The following KIAA1217 variants were observed in gnomAD, a reference collection of about 807,000 sequenced individuals.
KIAA1217 encodes the protein KIAA1217.
KIAA1217 carries 88 observed loss-of-function variants against 163.9 expected under a neutral mutation model. The ratio of observed to expected loss-of-function variants is 0.54; its 90% CI spans 0.45 to 0.64. The LOEUF (loss-of-function observed/expected upper bound fraction) is 0.64, where lower values mean the gene tolerates loss of function less well. Among genes scored for constraint, KIAA1217 ranks in the 30% least tolerant of loss-of-function variants. The probability of loss-of-function intolerance (pLI) is 0.00; values close to 1 mark genes in which losing one functional copy is unlikely to be tolerated. For missense variants in KIAA1217, 2,372 were observed against 2,475.0 expected (o/e 0.96, Z 0.88); for synonymous variants, 903 against 923.1 (o/e 0.98, Z 0.39).
chr10:24,079,580 C>T (rs1216840821), intron 2 of KIAA1217, among the ~76,000 whole-genome samples: 5 of 152,168 alleles, frequency 3.3e-5, no homozygotes, highest in African/African-American at 4.8e-5. Flanking sequence ...CTCATTCCTT[C>T]GAAGTTCTGA....
rs533582585 is a variant in KIAA1217, at chr10:23,790,034, CAT to C, written c.-321+94804_-321+94805del. 2.3e-4 allele frequency among the ~76,000 whole-genome samples: 28 copies of C among 123,072 alleles called. 7 individuals are homozygous for C. Among genetic ancestry groups the C allele is most frequent in the African/African-American group, 7.7e-4 (22 of 28,508 alleles). The allele number at this position is 123,072 out of a possible 152,430, so 80.7% of individuals were successfully genotyped here. A position where few individuals can be genotyped will look rare whatever the true frequency, so the allele number is the denominator to read the frequency against. On this transcript the variant is annotated intron_variant, in intron 1 of 18. Transcript: ENST00000376462. ...ACACATATACACATATGCATATACA[CAT>C]ATACATATGCATATACACATATACA...
chr10:24,025,566 T>C (rs1287038116), intron 2 of KIAA1217, among the ~76,000 whole-genome samples: 4 of 151,736 alleles, frequency 2.6e-5, no homozygotes, highest in Non-Finnish European at 5.9e-5. Context: ...AAAATCTTAA[T>C]TGAGATTACA....
chr10:24,454,188 C>T (rs2061597385), intron 5 of KIAA1217, among the ~76,000 whole-genome samples: 5 of 152,322 alleles, frequency 3.3e-5, no homozygotes, highest in Middle Eastern at 6.8e-3. Flanking sequence ...ACAAACTACT[C>T]ATTAAATAGT....
At chr10:24,084,437 G>A (rs1031889790) in intron 2 of KIAA1217, among the ~76,000 whole-genome samples, 9 of 152,152 alleles carry the variant, frequency 5.9e-5, no homozygotes, top group East Asian at 1.9e-4. Flanking sequence ...TGCCTGACAC[G>A]AAGTGCTTTT....
chr10:23,753,066 T>C (rs1353275458), intron 1 of KIAA1217, among the ~76,000 whole-genome samples: 1 of 152,198 alleles, frequency 6.6e-6, no homozygotes, highest in East Asian at 1.9e-4. Context: ...TTTTGGTTCT[T>C]CAGTTTCATG....
At chr10:24,144,277 A>G (rs1299371490) in intron 2 of KIAA1217, among the ~76,000 whole-genome samples, 1 of 152,220 alleles carries the variant, frequency 6.6e-6, no homozygotes, top group Non-Finnish European at 1.5e-5. Flanking sequence ...CTTTTCATTG[A>G]TTAACATTTG....
chr10:24,232,769 T>G (rs2071594044), intron 2 of KIAA1217, among the ~76,000 whole-genome samples: 1 of 151,920 alleles, frequency 6.6e-6, no homozygotes. Flanking sequence ...ATTAATTCAT[T>G]CAAATGCTTA....
chr10:24,398,310 T>C (rs2056099708), intron 3 of KIAA1217, among the ~76,000 whole-genome samples: 2 of 152,142 alleles, frequency 1.3e-5, no homozygotes, highest in Admixed American at 1.3e-4. Flanking sequence ...CATCTTCACA[T>C]TGAATAAAGC....
chr10:23,829,932 C>G (rs1838096687), intron 1 of KIAA1217, among the ~76,000 whole-genome samples: 1 of 152,190 alleles, frequency 6.6e-6, no homozygotes, highest in Non-Finnish European at 1.5e-5. Context: ...GTAGGGCTTA[C>G]TAGCGGAAGT....
intron 2 of KIAA1217, among the ~76,000 whole-genome samples, chr10:24,196,630 C>T (rs530278136): frequency 6.6e-6 from 1 of 152,330 alleles, no homozygotes; most frequent in South Asian, 2.1e-4. Flanking sequence ...CCCCTAGTGG[C>T]CATATGCCTA....
At chr10:24,266,209 G>T (rs532436607) in intron 2 of KIAA1217, among the ~76,000 whole-genome samples, 1 of 151,908 alleles carries the variant, frequency 6.6e-6, no homozygotes, top group Non-Finnish European at 1.5e-5. Flanking sequence ...CTCCTGAGTA[G>T]CTAGGATTAC....
At chr10:24,093,592 C>T (rs1018023979) in intron 2 of KIAA1217, among the ~76,000 whole-genome samples, 4 of 151,604 alleles carry the variant, frequency 2.6e-5, no homozygotes, top group Non-Finnish European at 4.4e-5. Context: ...GTGTGAGCCA[C>T]GGCACTTGGC....
Position 24,531,921 on chromosome 10 carries a change from A to G in KIAA1217, c.3174A>G (p.Pro1058=), listed in dbSNP as rs1270225138. Residue 1058 remains proline, a synonymous_variant, in exon 15 of 21, where the codon CCA becomes CCG. Coordinates refer to ENST00000376454, the MANE Select transcript of KIAA1217 (RefSeq NM_019590.5). ...PPPPPRRSYL[P]GSGLTTTRSG... ...CACCTCCTCGTCGAAGCTACCTGCC[A>G]GGATCGGGACTCACCACCACGAGGT... The G allele has an allele frequency of 6.2e-7, 1 of 1,610,984 alleles. No individual in the cohort carries two copies. Among genetic ancestry groups the G allele is most frequent in the Non-Finnish European group, 8.5e-7 (1 of 1,178,210 alleles).
intron 2 of KIAA1217, among the ~76,000 whole-genome samples, chr10:24,146,531 CA>C (rs1010988275): frequency 1.3e-5 from 2 of 151,998 alleles, no homozygotes; most frequent in African/African-American, 4.8e-5. Context: ...ACAAAAAATA[CA>C]AAAGTTAGCC....
chr10:23,812,149 T>G (rs1376111057), intron 1 of KIAA1217, among the ~76,000 whole-genome samples: 4 of 152,176 alleles, frequency 2.6e-5, no homozygotes, highest in African/African-American at 9.7e-5. Flanking sequence ...GCTGGATGTT[T>G]CCATAAGACA....
intron 6 of KIAA1217, among the ~76,000 whole-genome samples, chr10:24,485,646 T>C (rs949213448): frequency 8.5e-5 from 13 of 152,190 alleles, no homozygotes; most frequent in African/African-American, 2.9e-4. Flanking sequence ...GCCCAAGAAA[T>C]ATTTGTTGAA....
intron 2 of KIAA1217, among the ~76,000 whole-genome samples, chr10:24,285,665 G>A (rs1023396172): frequency 6.6e-6 from 1 of 152,032 alleles, no homozygotes; most frequent in Non-Finnish European, 1.5e-5. Flanking sequence ...TTTGTTTAAG[G>A]TTACTTTAGC....
At position 24,282,480 on chromosome 10, in the gene KIAA1217, T is replaced by G. The variant is rs141957293; in HGVS notation, c.354+62571T>G. Among the ~76,000 whole-genome samples the G allele has an allele frequency of 1.3e-3, 204 of 152,312 alleles. 2 individuals are homozygous for G. The highest frequency in any genetic ancestry group is 4.4e-3 in the African/African-American group (183 of 41,576). ...AAATTTGTGTTTATTTATCCCCCTG[T>G]GTTTATTTATTCAATCATTCGTTTA... On this transcript the variant is annotated intron_variant, in intron 2 of 20. Transcript: ENST00000376454.
At chr10:24,485,354 C>G (rs1436048547) in intron 6 of KIAA1217, among the ~76,000 whole-genome samples, 1 of 152,142 alleles carries the variant, frequency 6.6e-6, no homozygotes, top group Admixed American at 6.5e-5. Flanking sequence ...TCCATGTTCC[C>G]TCACTTCCTG....
Sources: gnomAD v4.1 joint callset for allele counts (sites outside exome capture counted in the v4.1 genomes callset) on GRCh38, gnomAD v4.1.1 for gene constraint, MANE v1.5 for transcripts, NCBI Gene and HGNC (gene_info 2026-07-23, HGNC 2026-07-21) for gene names.